LRRK1: variants seen among roughly 807,000 people sequenced by gnomAD.
The protein encoded by LRRK1 is leucine-rich repeat serine/threonine-protein kinase 1.
Under a neutral mutation model 209.1 loss-of-function variants are expected in LRRK1, and 113 were observed. The ratio of observed to expected loss-of-function variants is 0.54; its 90% CI spans 0.46 to 0.63. LRRK1 has a LOEUF of 0.63. LRRK1 is among the 30% of genes least tolerant of loss of function. The pLI, the probability that LRRK1 is intolerant of heterozygous loss-of-function variation, is 0.00. For missense variants in LRRK1, 2,284 were observed against 2,632.2 expected, an observed-to-expected ratio of 0.87 and a Z score of 2.89; for synonymous variants, 1,144 against 1,099.7, an observed-to-expected ratio of 1.04 and a Z score of -0.80.
At chr15:101,049,568 C>T in intron 22 of LRRK1, 76 bp from the exon 23 acceptor site, 1 of 1,547,310 alleles carries the variant, frequency 6.5e-7, no homozygotes, top group Non-Finnish European at 8.8e-7. Flanking sequence ...GGTTCCTGTC[C>T]CTGGGGGTAG....
chr15:101,020,071 T>A (rs1380850941), intron 12 of LRRK1, among the ~76,000 whole-genome samples: 1 of 152,222 alleles, frequency 6.6e-6, no homozygotes, highest in Non-Finnish European at 1.5e-5. Context: ...ATTAACTAGC[T>A]TTTTTTCATG....
At chr15:100,970,342 G>C (rs1015283150) in intron 2 of LRRK1, among the ~76,000 whole-genome samples, 1 of 152,158 alleles carries the variant, frequency 6.6e-6, no homozygotes, top group Non-Finnish European at 1.5e-5. Context: ...AGGGGTCAGG[G>C]CTGCTTTTTA....
chr15:100,965,471 A>T (rs533869125), intron 2 of LRRK1, among the ~76,000 whole-genome samples: 38 of 152,356 alleles, frequency 2.5e-4, no homozygotes, highest in Non-Finnish European at 4.7e-4. Context: ...TGGCCGGCAC[A>T]TTGAAATACC....
intron 2 of LRRK1, among the ~76,000 whole-genome samples, chr15:100,969,137 G>C (rs2030690637): frequency 6.6e-6 from 1 of 152,194 alleles, no homozygotes; most frequent in African/African-American, 2.4e-5. Flanking sequence ...ACCAGGTCCA[G>C]CCTGCTCATT....
At chr15:101,063,001 G>A (rs1227746591) in intron 31 of LRRK1, among the ~76,000 whole-genome samples, 1 of 152,166 alleles carries the variant, frequency 6.6e-6, no homozygotes, top group Non-Finnish European at 1.5e-5. Context: ...AGTCATGCGT[G>A]TGCCCTTCCC....
rs1596184223 is a variant in LRRK1, at chr15:100,948,379, A to G, written c.97+23650A>G. On this transcript the variant is annotated intron_variant, in intron 2 of 33. Transcript: ENST00000388948. ...CCCCGCCGTTTGAATGTGACTTATG[A>G]ATGCACGGAGGTCATGAAAGGGATG... Among the ~76,000 whole-genome samples, 3 of 152,272 alleles carry G rather than the reference A, an allele frequency of 2.0e-5. No individual in the cohort carries two copies. In the South Asian group the frequency reaches 6.2e-4, roughly 32 times the overall value.
In LRRK1 at chr15:101,054,928, A is replaced by ATTG. The variant is rs747002930; in HGVS notation, c.4055-15_4055-13dup. ...AACTGAAATTTTGATACATTTGAAA[A>ATTG]TTGTTTTTCTTTGCAAGATTCTTCC... On this transcript the variant is annotated splice_polypyrimidine_tract_variant and intron_variant, in intron 26 of 33. Transcript: ENST00000388948. The ATTG allele has an allele frequency of 1.3e-6, 2 of 1,559,180 alleles. No individual in the cohort carries two copies. The highest frequency in any genetic ancestry group is 1.7e-6 in the Non-Finnish European group (2 of 1,156,494).
intron 32 of LRRK1, 113 bp downstream of exon 32, chr15:101,066,318 G>A (rs953622292): frequency 1.7e-5 from 24 of 1,393,366 alleles, no homozygotes; most frequent in Non-Finnish European, 2.0e-5. Flanking sequence ...GGAGGCAGGT[G>A]CTGTTCTTCC....
chr15:101,047,331 A>G (rs546387986), intron 21 of LRRK1, among the ~76,000 whole-genome samples: 1 of 152,254 alleles, frequency 6.6e-6, no homozygotes, highest in Non-Finnish European at 1.5e-5. Flanking sequence ...TAGCGCCAGA[A>G]GGGTGCACTG....
chr15:101,052,078 T>G, intron 24 of LRRK1, 118 bp downstream of exon 24: 1 of 1,191,516 alleles, frequency 8.4e-7, no homozygotes, highest in Non-Finnish European at 1.2e-6. Flanking sequence ...GCCCCGGCCA[T>G]GGCTTCCCAC....
intron 10 of LRRK1, among the ~76,000 whole-genome samples, chr15:101,012,904 G>T (rs183399173): frequency 1.3e-5 from 2 of 152,152 alleles, no homozygotes; most frequent in Non-Finnish European, 2.9e-5. Context: ...TGCCCCCGGG[G>T]GGGGGTGGTC....
At chr15:101,059,134 A>T (rs982053590) in intron 29 of LRRK1, among the ~76,000 whole-genome samples, 1 of 152,174 alleles carries the variant, frequency 6.6e-6, no homozygotes, top group African/African-American at 2.4e-5. Context: ...TCATGCCTGT[A>T]ACCCCAGCAC....
In LRRK1 at chr15:101,010,670, T is replaced by G. The variant is rs761474454; in HGVS notation, c.1118-4T>G. 3 of 1,559,328 alleles carry G rather than the reference T, an allele frequency of 1.9e-6. No homozygotes were observed. Among genetic ancestry groups the G allele is most frequent in the Non-Finnish European group, 2.6e-6 (3 of 1,147,588 alleles). ...ATACTTTGGGTCTTTTTTTTTTTTT[T>G]TAGCCACTAACTGGATAGGTTTACG... is the stretch of plus-strand genomic sequence containing the variant. On this transcript the variant is annotated splice_polypyrimidine_tract_variant and splice_region_variant and intron_variant, in intron 8 of 33. Coordinates refer to ENST00000388948, the MANE Select transcript of LRRK1 (RefSeq NM_024652.6).
rs767732473 is a variant in LRRK1, at chr15:101,012,009, A to C, written c.1283A>C (p.Lys428Thr). The change falls in exon 10 of 34, where the codon AAA (lysine) becomes ACA (threonine). Residue 428 changes from lysine (K) to threonine (T), a missense_variant and splice_region_variant. Lys to Thr is a moderately conservative substitution (Grantham distance 78). This residue lies in a region of LRRK1 where 494 missense variants were observed against 522.1 expected (regional missense o/e 0.95). Transcript: ENST00000388948. ...TTTTTTTTCTCGTCAATCTCTTAGAAATGTTGTAAAGCTTCCAGAAATGCC... is the reference window on the plus strand; with the variant it reads ...TTTTTTTTCTCGTCAATCTCTTAGACATGTTGTAAAGCTTCCAGAAATGCC... ...VFPDPWACPL[K>T]CCKASRNALE... The C allele has an allele frequency of 1.3e-6, 2 of 1,594,182 alleles. No individual in the cohort carries two copies. The highest frequency in any genetic ancestry group is 8.5e-7 in the Non-Finnish European group (1 of 1,173,354).
intron 2 of LRRK1, among the ~76,000 whole-genome samples, chr15:100,960,277 C>CCT (rs5814989): frequency 8.6e-6 from 1 of 116,760 alleles, no homozygotes; most frequent in Admixed American, 9.4e-5. Context: ...GTTCATATTG[C>CCT]TTTTTTTTTT....
intron 6 of LRRK1, among the ~76,000 whole-genome samples, chr15:100,991,901 T>C (rs898942252): frequency 5.9e-5 from 9 of 152,208 alleles, no homozygotes; most frequent in Non-Finnish European, 8.8e-5. Flanking sequence ...CTTTGAGTTT[T>C]TATTAGGAAA....
chr15:101,010,577 G>A lies in LRRK1; in HGVS notation c.1117G>A (p.Ala373Thr). Residue 373 changes from alanine to threonine, a missense_variant and splice_region_variant, in exon 8 of 34, where the codon GCC (alanine) becomes ACC (threonine). Coordinates refer to ENST00000388948, the MANE Select transcript of LRRK1 (RefSeq NM_024652.6). ...CLEKLFEEEN[A>T]TNWIGLRKLQ... Reference sequence around the variant, plus strand: ...AGAAAAATTGTTCGAAGAAGAAAATGGTATGTTTTCTCATCAACTTGAGTG... The same window carrying A: ...AGAAAAATTGTTCGAAGAAGAAAATAGTATGTTTTCTCATCAACTTGAGTG... The A allele has an allele frequency of 1.2e-6, 2 of 1,610,872 alleles. No individual in the cohort carries two copies. Among genetic ancestry groups the A allele is most frequent in the Non-Finnish European group, 1.7e-6 (2 of 1,179,282 alleles).
rs182051355 is a variant in LRRK1, at chr15:101,053,136, C to T, written c.3856+48C>T. On this transcript the variant is annotated intron_variant, in intron 25 of 33. Coordinates refer to ENST00000388948, the MANE Select transcript of LRRK1 (RefSeq NM_024652.6). ...CTGTTTTTCTCAGACATATGCTGCC[C>T]GGGTCTAAGCTCTGTGCGGCCTTAG... is the stretch of plus-strand genomic sequence containing the variant. The T allele has an allele frequency of 2.8e-3, 4,508 of 1,588,726 alleles. 9 individuals carry two copies. Among genetic ancestry groups the T allele is most frequent in the Non-Finnish European group, 3.4e-3 (3,986 of 1,167,606 alleles).
chr15:101,018,099 A>G (rs187896183), intron 12 of LRRK1, among the ~76,000 whole-genome samples: 5 of 152,216 alleles, frequency 3.3e-5, no homozygotes, highest in Admixed American at 2.0e-4. Flanking sequence ...CAGACTAAGA[A>G]GAAATATTTG....
Sources: allele counts gnomAD v4.1 joint callset (sites outside exome capture counted in the v4.1 genomes callset), GRCh38; gene constraint gnomAD v4.1.1; regional missense constraint gnomAD v4.1.1; transcripts MANE v1.5; gene names NCBI Gene and HGNC (gene_info 2026-07-23, HGNC 2026-07-21).